Variants in EPB41L4A observed in about 807,000 individuals in gnomAD.
EPB41L4A encodes the protein band 4.1-like protein 4A.
EPB41L4A carries 100 observed loss-of-function variants against 108.6 expected under a neutral mutation model. The ratio of observed to expected loss-of-function variants is 0.92; its 90% CI spans 0.78 to 1.09. EPB41L4A has a LOEUF of 1.09. EPB41L4A is among the 50% of genes least tolerant of loss of function. EPB41L4A has a pLI of 0.00. For missense variants in EPB41L4A, 1,030 were observed against 842.7 expected, an observed-to-expected ratio of 1.22 and a Z score of -2.75; for synonymous variants, 319 against 289.0, an observed-to-expected ratio of 1.10 and a Z score of -1.05.
intron 4 of EPB41L4A, among the ~76,000 whole-genome samples, chr5:112,269,146 A>T (rs1490245174): frequency 6.6e-6 from 1 of 152,136 alleles, no homozygotes; most frequent in Non-Finnish European, 1.5e-5. Flanking sequence ...ACAAAATTCT[A>T]AAAACTGGTA....
intron 22 of EPB41L4A, among the ~76,000 whole-genome samples, chr5:112,166,777 T>A (rs1473603565): frequency 6.6e-6 from 1 of 152,248 alleles, no homozygotes; most frequent in Admixed American, 6.5e-5. Context: ...TTACTGTTAT[T>A]TTGTTTTGCT....
intron 18 of EPB41L4A, 48 bp from the exon 19 acceptor site, chr5:112,171,040 C>T: frequency 6.7e-7 from 1 of 1,501,964 alleles, no homozygotes; most frequent in Non-Finnish European, 9.3e-7. Flanking sequence ...TGCTTCATCT[C>T]ACAACCTAAT....
intron 2 of EPB41L4A, among the ~76,000 whole-genome samples, chr5:112,294,922 C>A (rs1753894786): frequency 6.6e-6 from 1 of 152,206 alleles, no homozygotes; most frequent in South Asian, 2.1e-4. Flanking sequence ...CCATCAAAGT[C>A]GCCTTTCTGA....
At chr5:112,336,002 C>T (rs558563207) in intron 1 of EPB41L4A, among the ~76,000 whole-genome samples, 24 of 152,158 alleles carry the variant, frequency 1.6e-4, no homozygotes, top group East Asian at 3.9e-4. Context: ...CACCCTCACA[C>T]GCCCTCAAAG....
intron 2 of EPB41L4A, 132 bp from the exon 3 acceptor site, chr5:112,280,455 C>A: frequency 1.3e-6 from 1 of 777,534 alleles, no homozygotes; most frequent in Admixed American, 2.0e-5. Context: ...CTCATATACA[C>A]ACACAAACAT....
At chr5:112,198,573 T>C (rs1187890032) in intron 15 of EPB41L4A, among the ~76,000 whole-genome samples, 1 of 152,210 alleles carries the variant, frequency 6.6e-6, no homozygotes, top group Non-Finnish European at 1.5e-5. Context: ...TCTTTAATAG[T>C]TTCCTCTCCT....
intron 3 of EPB41L4A, among the ~76,000 whole-genome samples, chr5:112,276,461 T>C (rs1752636523): frequency 6.6e-6 from 1 of 152,232 alleles, no homozygotes; most frequent in Non-Finnish European, 1.5e-5. Context: ...AAGTGCATAT[T>C]TCCAAGCTGT....
At chr5:112,158,666 G>T (rs996130429), downstream of EPB41L4A, among the ~76,000 whole-genome samples, 1 of 152,144 alleles carries the variant, frequency 6.6e-6, no homozygotes, top group Non-Finnish European at 1.5e-5. Flanking sequence ...AGCGGAAGGG[G>T]AAGCAAACAC....
intron 3 of EPB41L4A, among the ~76,000 whole-genome samples, chr5:112,277,332 G>C (rs1310630651): frequency 2.0e-5 from 3 of 152,194 alleles, no homozygotes; most frequent in Non-Finnish European, 4.4e-5. Flanking sequence ...CAAATGTTCA[G>C]TATGAACAGT....
Position 112,169,086 on chromosome 5 carries a change from G to A in EPB41L4A, c.1759C>T (p.Arg587Cys), listed in dbSNP as rs368470046. ...CGTGGCGAATGAGAATGCCTGATGCGGATTGGGTCACCTTGTGTCCTGAAC... is the reference window on the plus strand; with the variant it reads ...CGTGGCGAATGAGAATGCCTGATGCAGATTGGGTCACCTTGTGTCCTGAAC... ...TKIETQGDPI[R>C]IRHSHSPRSY... The change falls in exon 21 of 23, where the codon CGC (arginine) becomes TGC (cysteine). Residue 587 changes from arginine to cysteine, a missense_variant. By Grantham distance (180) the Arg-to-Cys change is radical. Transcript: ENST00000261486. The A allele has an allele frequency of 1.3e-5, 21 of 1,613,808 alleles. No individual in the cohort carries two copies. The highest frequency in any genetic ancestry group is 4.0e-5 in the African/African-American group (3 of 74,996).
intron 2 of EPB41L4A, among the ~76,000 whole-genome samples, chr5:112,301,252 T>G (rs1754336970): frequency 6.6e-6 from 1 of 152,200 alleles, no homozygotes; most frequent in South Asian, 2.1e-4. Context: ...AGAATTGTTT[T>G]TCTGGTTCCT....
At chr5:112,320,767 T>C (rs1028657095) in intron 1 of EPB41L4A, among the ~76,000 whole-genome samples, 5 of 152,220 alleles carry the variant, frequency 3.3e-5, no homozygotes, top group African/African-American at 1.2e-4. Context: ...GGAAATGTTA[T>C]ATTCTGCCTC....
intron 1 of EPB41L4A, among the ~76,000 whole-genome samples, chr5:112,336,498 AC>A (rs1287189071): frequency 1.3e-5 from 2 of 152,066 alleles, no homozygotes; most frequent in African/African-American, 4.8e-5. Flanking sequence ...GTGATTCTTT[AC>A]CCTGTACACA....
intron 1 of EPB41L4A, among the ~76,000 whole-genome samples, chr5:112,389,470 T>C (rs1760785522): frequency 6.6e-6 from 1 of 152,158 alleles, no homozygotes; most frequent in Non-Finnish European, 1.5e-5. Context: ...AAACGGCCAA[T>C]TTCTCAAATA....
At chr5:112,318,878 G>C (rs981840254) in intron 1 of EPB41L4A, among the ~76,000 whole-genome samples, 5 of 152,098 alleles carry the variant, frequency 3.3e-5, no homozygotes, top group Admixed American at 1.3e-4. Context: ...AAAACCTCAA[G>C]AATTTCCAGT....
intron 9 of EPB41L4A, among the ~76,000 whole-genome samples, chr5:112,243,511 C>T (rs2150389765): frequency 6.6e-6 from 1 of 152,206 alleles, no homozygotes; most frequent in East Asian, 1.9e-4. Flanking sequence ...TTAATGCAGG[C>T]ATTGACTTCT....
intron 1 of EPB41L4A, among the ~76,000 whole-genome samples, chr5:112,359,742 G>A (rs1324321519): frequency 6.6e-6 from 1 of 151,970 alleles, no homozygotes; most frequent in Non-Finnish European, 1.5e-5. Context: ...GGGTTTCACC[G>A]TGTTAGCCAG....
intron 12 of EPB41L4A, among the ~76,000 whole-genome samples, chr5:112,221,773 G>T (rs1748068878): frequency 6.6e-6 from 1 of 152,182 alleles, no homozygotes; most frequent in African/African-American, 2.4e-5. Flanking sequence ...CACTAAAGCT[G>T]TGATTTTAAC....
intron 2 of EPB41L4A, among the ~76,000 whole-genome samples, chr5:112,281,419 A>C (rs1752957532): frequency 6.6e-6 from 1 of 152,240 alleles, no homozygotes; most frequent in African/African-American, 2.4e-5. Flanking sequence ...GGCAGAAGCC[A>C]AGGAAGCACA....
Sources: allele counts gnomAD v4.1 joint callset (sites outside exome capture counted in the v4.1 genomes callset), GRCh38; gene constraint gnomAD v4.1.1; transcripts MANE v1.5; gene names NCBI Gene and HGNC (gene_info 2026-07-23, HGNC 2026-07-21).